ANKDD1A: variants seen among roughly 807,000 people sequenced by gnomAD.
ANKDD1A encodes the protein ankyrin repeat and death domain-containing protein 1A.
A neutral mutation model predicts 63.5 loss-of-function variants in ANKDD1A; 59 were observed. That is an observed-to-expected ratio of 0.93 (90% CI 0.75 to 1.15). The LOEUF (loss-of-function observed/expected upper bound fraction) is 1.15. ANKDD1A is among the 50% of genes most tolerant of loss of function. The pLI is 0.00. For synonymous variants in ANKDD1A, 266 were observed against 263.9 expected (o/e 1.01, Z -0.08); for missense variants, 632 against 656.4 (o/e 0.96, Z 0.41).
chr15:64,951,564 C>CTGCTTTTTT (rs1595858394), intron 14 of ANKDD1A: 32 of 122,788 alleles, frequency 2.6e-4, no homozygotes, highest in African/African-American at 8.4e-4. Flanking sequence ...CTTTCTTTTT[C>CTGCTTTTTT]TTTTCTTTCT....
chr15:64,912,891 TG>T (rs2084942120), intron 1 of ANKDD1A, among the ~76,000 whole-genome samples: 1 of 152,090 alleles, frequency 6.6e-6, no homozygotes, highest in African/African-American at 2.4e-5. Context: ...ATCACTTGAG[TG>T]GGCCTGCGAA....
In ANKDD1A at chr15:64,948,832, GAAA is replaced by G. The variant is rs886808535; in HGVS notation, c.1352-1001_1352-999del. On this transcript the variant is annotated intron_variant, in intron 13 of 14. Coordinates refer to ENST00000319580, the MANE Select transcript of ANKDD1A (RefSeq NM_182703.6). ...CAGAGTGAGACTCTGTCTCCCAAAG[GAAA>G]AAAAAAAGATTCCTGACACAAAAAT... Among the ~76,000 whole-genome samples, 71 of 146,376 alleles carry G rather than the reference GAAA, an allele frequency of 4.9e-4. 1 individual carries two copies. The highest frequency in any genetic ancestry group is 1.8e-3 in the African/African-American group (71 of 39,954).
chr15:64,926,782 T>G, intron 5 of ANKDD1A, 119 bp from the exon 6 acceptor site: 1 of 1,011,890 alleles, frequency 9.9e-7, no homozygotes, highest in Non-Finnish European at 1.5e-6. Context: ...GGACAGTGTC[T>G]GGGGCAGGAG....
rs569454066 is a variant in ANKDD1A, at chr15:64,943,607, G to A, written c.1065+25G>A. ...GGTACCTCTGCTTACAACCCACCTC[G>A]CTTCAGGCTTTCATGGCTCCCCCCT... On this transcript the variant is annotated intron_variant, in intron 11 of 14. Transcript: ENST00000319580. 71 of 1,609,122 alleles carry A rather than the reference G, an allele frequency of 4.4e-5. 1 individual carries two copies. In the South Asian group the frequency reaches 5.9e-4, roughly 13 times the overall value.
In ANKDD1A at chr15:64,934,151, C is replaced by G. The variant is rs143247540; in HGVS notation, c.784C>G (p.Leu262Val). 1.9e-6 allele frequency: 3 copies of G among 1,609,956 alleles called. No homozygotes were observed. Residue 262 changes from leucine to valine, a missense_variant, in exon 9 of 15, where the codon CTT becomes GTT. Transcript: ENST00000319580. ...NALTQKNLSC[L>V]HYAALSGSED... ...TTCCTTCTAGAAAAACCTAAGCTGC[C>G]TTCACTATGCAGCCCTCAGTGGCTC... is the stretch of plus-strand genomic sequence containing the variant.
intron 14 of ANKDD1A, among the ~76,000 whole-genome samples, chr15:64,952,639 T>TCTCCTTCTTTCTTCTTC (rs1555397629): frequency 4.5e-3 from 39 of 8,630 alleles, no homozygotes; most frequent in Admixed American, 0.031. Context: ...TTTTCTTTCT[T>TCTCCTTCTTTCTTCTTC]CTTCTCCTTC....
chr15:64,931,362 A>G (rs2140372119), intron 7 of ANKDD1A, 125 bp from the exon 8 acceptor site: 2 of 777,576 alleles, frequency 2.6e-6, no homozygotes, highest in Non-Finnish European at 2.1e-6. Context: ...TCCCAGGGGC[A>G]GGGCAGTGGA....
intron 6 of ANKDD1A, among the ~76,000 whole-genome samples, chr15:64,928,245 G>T (rs1184525382): frequency 9.2e-5 from 14 of 152,354 alleles, no homozygotes; most frequent in Non-Finnish European, 1.5e-5. Flanking sequence ...CTTGGGTTCT[G>T]CACTGAGTCC....
chr15:64,936,984 A>G (rs2085138885), intron 9 of ANKDD1A, among the ~76,000 whole-genome samples: 1 of 152,252 alleles, frequency 6.6e-6, no homozygotes, highest in South Asian at 2.1e-4. Context: ...ATGCAAATTA[A>G]TACTACATGG....
chr15:64,927,150 G>T (rs1182957295), intron 6 of ANKDD1A, 151 bp downstream of exon 6: 1 of 818,236 alleles, frequency 1.2e-6, no homozygotes, highest in African/African-American at 1.7e-5. Flanking sequence ...TGTTCATCCA[G>T]CAGGCCCTTC....
intron 14 of ANKDD1A, among the ~76,000 whole-genome samples, chr15:64,953,478 C>CTTT (rs2085341479): frequency 1.1e-5 from 1 of 94,438 alleles, no homozygotes. Flanking sequence ...TCTTCCTCTT[C>CTTT]CTTCTCCTTC....
chr15:64,927,009 C>T lies in ANKDD1A; in HGVS notation c.570+10C>T. The T allele has an allele frequency of 6.2e-7, 1 of 1,614,046 alleles. No homozygotes were observed. Among genetic ancestry groups the T allele is most frequent in the Non-Finnish European group, 8.5e-7 (1 of 1,179,918 alleles). On this transcript the variant is annotated intron_variant, in intron 6 of 14. Transcript: ENST00000319580. ...CAATGTCAAAGACAAGGTACCGTGT[C>T]CGTGAGGCTCTGGGATCCTGACCAG...
intron 9 of ANKDD1A, among the ~76,000 whole-genome samples, chr15:64,938,265 C>G (rs1030074778): frequency 2.0e-5 from 3 of 152,086 alleles, no homozygotes; most frequent in African/African-American, 7.2e-5. Context: ...TGACTTCCTG[C>G]CAGAAAGTGC....
chr15:64,950,740 C>T lies in ANKDD1A; in HGVS notation c.1483+768C>T, dbSNP rs1034118622. ...GAAAAGAAAGGACCGCCCCCCCCCC[C>T]CCCCCCCCCCATAGCTGCTATAGGC... On this transcript the variant is annotated intron_variant, in intron 14 of 14. Transcript: ENST00000319580. 8.8e-5 allele frequency: 76 copies of T among 859,602 alleles called. 6 individuals carry two copies. The South Asian group carries it at 2.1e-3, about 24-fold the overall frequency. The allele number at this position is 859,602 out of a possible 1,614,324, so 53.2% of individuals were successfully genotyped here. A position where few individuals can be genotyped will look rare whatever the true frequency, so the allele number is the denominator to read the frequency against.
At chr15:64,929,870 TAAAG>T (rs2085075401) in intron 6 of ANKDD1A, among the ~76,000 whole-genome samples, 2 of 151,900 alleles carry the variant, frequency 1.3e-5, no homozygotes, top group Admixed American at 1.3e-4. Context: ...ATAGACTGGA[TAAAG>T]AAAATGTGGC....
intron 12 of ANKDD1A, 22 bp from the exon 13 acceptor site, chr15:64,947,382 A>C: frequency 1.2e-6 from 2 of 1,603,254 alleles, no homozygotes; most frequent in Non-Finnish European, 1.7e-6. Context: ...GAGCTTCTGC[A>C]CTTTTGGGAT....
Position 64,949,951 on chromosome 15 carries a change from A to C in ANKDD1A, c.1462A>C (p.Ile488Leu), listed in dbSNP as rs1429505814. 1.9e-6 allele frequency: 3 copies of C among 1,610,146 alleles called. No individual in the cohort carries two copies. The African/African-American group carries it at 4.0e-5, about 21-fold the overall frequency. The change falls in exon 14 of 15, where the codon ATT becomes CTT. Residue 488 changes from isoleucine (I) to leucine (L), a missense_variant. Coordinates refer to ENST00000319580, the MANE Select transcript of ANKDD1A (RefSeq NM_182703.6). Reference sequence around the variant, plus strand: ...AGCGCTGTTCGAGGGCCTCGTGGCCATTGGCAGGAGGGACCTGGCTGGTAA... The same window carrying C: ...AGCGCTGTTCGAGGGCCTCGTGGCCCTTGGCAGGAGGGACCTGGCTGGTAA... ...SKALFEGLVA[I>L]GRRDLAGWST...
intron 9 of ANKDD1A, among the ~76,000 whole-genome samples, chr15:64,940,982 G>A (rs778653591): frequency 2.0e-5 from 3 of 151,888 alleles, no homozygotes; most frequent in Non-Finnish European, 1.5e-5. Flanking sequence ...GGCTCAAGTG[G>A]TCCTCCCACC....
chr15:64,953,683 TCC>T (rs1371274754), intron 14 of ANKDD1A, among the ~76,000 whole-genome samples: 1 of 84,722 alleles, frequency 1.2e-5, no homozygotes, highest in African/African-American at 3.5e-5. Context: ...TCTTTTCTTC[TCC>T]TTCTCCCTTC....
Sources: allele counts gnomAD v4.1 joint callset (sites outside exome capture counted in the v4.1 genomes callset), GRCh38; gene constraint gnomAD v4.1.1; transcripts MANE v1.5; gene names NCBI Gene and HGNC (gene_info 2026-07-23, HGNC 2026-07-21).